Variants in RORA observed in about 807,000 individuals in gnomAD.
RORA encodes RAR related orphan receptor A.
In RORA, 7 loss-of-function variants were observed where a neutral mutation model predicts 69.5. The ratio of observed to expected loss-of-function variants is 0.10; its 90% confidence interval spans 0.06 to 0.19. The LOEUF (loss-of-function observed/expected upper bound fraction) is 0.19, where lower values mean the gene tolerates loss of function less well. RORA is among the 10% of genes least tolerant of loss of function. RORA has a pLI of 1.00. For missense variants in RORA, 457 were observed against 663.0 expected (o/e 0.69, Z 3.41); for synonymous variants, 261 against 240.8 (o/e 1.08, Z -0.78).
chr15:61,126,017 A>C (rs757942046), intron 1 of RORA, among the ~76,000 whole-genome samples: 30 of 152,228 alleles, frequency 2.0e-4, no homozygotes, highest in Non-Finnish European at 3.4e-4. Context: ...ATCTTGTATT[A>C]CATTAAATTA....
At chr15:61,169,496 T>G (rs2140891691) in intron 1 of RORA, among the ~76,000 whole-genome samples, 1 of 151,964 alleles carries the variant, frequency 6.6e-6, no homozygotes, top group East Asian at 1.9e-4. Context: ...GGAAGAGTGG[T>G]ACCCCCTCTC....
intron 2 of RORA, among the ~76,000 whole-genome samples, chr15:60,590,508 G>A (rs1053801868): frequency 5.9e-5 from 9 of 152,130 alleles, no homozygotes; most frequent in East Asian, 1.9e-4. Flanking sequence ...AAATGTCTCA[G>A]CCTCTCGCCT....
chr15:60,504,163 AG>A (rs2065419966), intron 6 of RORA, among the ~76,000 whole-genome samples: 2 of 152,188 alleles, frequency 1.3e-5, no homozygotes, highest in African/African-American at 2.4e-5. Flanking sequence ...CTTTGGGGGA[AG>A]GGAGAAAAGG....
chr15:60,882,767 T>C (rs530879406), intron 1 of RORA, among the ~76,000 whole-genome samples: 2 of 152,358 alleles, frequency 1.3e-5, no homozygotes, highest in East Asian at 3.9e-4. Flanking sequence ...CTTGTTCTGA[T>C]ACGTTCAGCC....
intron 1 of RORA, among the ~76,000 whole-genome samples, chr15:61,219,224 T>C (rs2080070572): frequency 6.6e-6 from 1 of 152,238 alleles, no homozygotes; most frequent in South Asian, 2.1e-4. Flanking sequence ...AAATAACCCA[T>C]GCTTAATTTT....
At chr15:60,805,137 G>A (rs1410095123) in intron 1 of RORA, among the ~76,000 whole-genome samples, 7 of 152,122 alleles carry the variant, frequency 4.6e-5, no homozygotes, top group Admixed American at 4.6e-4. Context: ...GTTGTCCCAA[G>A]CTGCTCTCTC....
intron 1 of RORA, among the ~76,000 whole-genome samples, chr15:60,749,457 T>C (rs187322781): frequency 4.6e-5 from 7 of 152,306 alleles, no homozygotes; most frequent in Non-Finnish European, 1.0e-4. Flanking sequence ...TAGTCAAATA[T>C]TGAACTGTTT....
chr15:60,580,481 G>A (rs1029036164), intron 2 of RORA, among the ~76,000 whole-genome samples: 59 of 152,148 alleles, frequency 3.9e-4, no homozygotes, highest in African/African-American at 1.4e-3. Context: ...ATAATTCCCT[G>A]TACTACATTA....
At chr15:61,191,406 G>A (rs2079799012) in intron 1 of RORA, among the ~76,000 whole-genome samples, 1 of 151,378 alleles carries the variant, frequency 6.6e-6, no homozygotes, top group African/African-American at 2.4e-5. Context: ...CTGATCAAGG[G>A]CACATCTAAT....
chr15:61,148,932 C>T (rs2079374281), intron 1 of RORA, among the ~76,000 whole-genome samples: 1 of 152,194 alleles, frequency 6.6e-6, no homozygotes, highest in African/African-American at 2.4e-5. Context: ...AAGGGAGGGG[C>T]AGCTGCATCT....
At position 60,819,763 on chromosome 15, in the gene RORA, A is replaced by ACACACACACACACACACG. The variant is rs1555455755; in HGVS notation, c.167-141078_167-141077insCGTGTGTGTGTGTGTGTG. Among the ~76,000 whole-genome samples, 207 of 140,916 alleles carry ACACACACACACACACACG rather than the reference A, an allele frequency of 1.5e-3. 1 individual carries two copies. Among genetic ancestry groups the ACACACACACACACACACG allele is most frequent in the African/African-American group, 5.1e-3 (203 of 39,728 alleles). 92.4% of individuals were successfully genotyped at this position (140,916 alleles called of 152,430 possible). A position where few individuals can be genotyped will look rare whatever the true frequency, so the allele number is the denominator to read the frequency against. On this transcript the variant is annotated intron_variant, in intron 1 of 10. Transcript: ENST00000335670. ...CAAACCCAGACACACACACACACAC[A>ACACACACACACACACACG]CACACACACACACACACACACACAC...
At chr15:60,502,190 G>A (rs145840759) in intron 8 of RORA, among the ~76,000 whole-genome samples, 1,608 of 152,276 alleles carry the variant, frequency 0.011, 29 homozygotes, top group African/African-American at 0.037. Flanking sequence ...ATGTTGGCCA[G>A]ACTGGTCTCA....
intron 1 of RORA, among the ~76,000 whole-genome samples, chr15:61,100,704 G>A (rs3803479): frequency 0.42 from 64,505 of 151,930 alleles, 14,254 homozygotes; most frequent in Non-Finnish European, 0.49. Context: ...CTGGTTTTCA[G>A]TATTCTTTAT....
chr15:60,827,996 C>T (rs890934943), intron 1 of RORA, among the ~76,000 whole-genome samples: 1 of 152,122 alleles, frequency 6.6e-6, no homozygotes, highest in South Asian at 2.1e-4. Context: ...AAGACAGATT[C>T]GTGTACATAT....
chr15:60,947,688 T>TAAACA (rs1892937105), intron 1 of RORA, among the ~76,000 whole-genome samples: 1 of 102,930 alleles, frequency 9.7e-6, no homozygotes, highest in African/African-American at 4.2e-5. Context: ...GAATGATCAA[T>TAAACA]AAAAAAAAAA....
At chr15:61,067,903 G>C (rs1369619671) in intron 1 of RORA, among the ~76,000 whole-genome samples, 3 of 152,136 alleles carry the variant, frequency 2.0e-5, no homozygotes, top group African/African-American at 7.2e-5. Flanking sequence ...TCCTTCCTTG[G>C]TTTTGTTAGG....
At chr15:60,536,381 G>C (rs2066679639) in intron 2 of RORA, among the ~76,000 whole-genome samples, 1 of 152,116 alleles carries the variant, frequency 6.6e-6, no homozygotes, top group Non-Finnish European at 1.5e-5. Flanking sequence ...CTTTCCTCCA[G>C]ACTTTAAGCT....
At chr15:60,985,452 GA>G (rs1217608213) in intron 1 of RORA, among the ~76,000 whole-genome samples, 1 of 151,722 alleles carries the variant, frequency 6.6e-6, no homozygotes, top group African/African-American at 2.4e-5. Flanking sequence ...TCCAAATTGA[GA>G]AAAATGAAAT....
chr15:60,794,311 T>C (rs2072459335), intron 1 of RORA, among the ~76,000 whole-genome samples: 1 of 152,232 alleles, frequency 6.6e-6, no homozygotes, highest in South Asian at 2.1e-4. Flanking sequence ...TGAGAAACCT[T>C]TTCTCCCTCC....
Sources: allele counts gnomAD v4.1 joint callset (sites outside exome capture counted in the v4.1 genomes callset), GRCh38; gene constraint gnomAD v4.1.1; transcripts MANE v1.5; gene names NCBI Gene and HGNC (gene_info 2026-07-23, HGNC 2026-07-21).